Variants in CFAP299 observed in about 807,000 individuals in gnomAD.
CFAP299 encodes cilia- and flagella-associated protein 299.
Under a neutral mutation model 27.0 loss-of-function variants are expected in CFAP299, and 21 were observed. The ratio of observed to expected loss-of-function variants is 0.78; its 90% CI spans 0.55 to 1.12. The LOEUF (loss-of-function observed/expected upper bound fraction) is 1.12, where lower values mean the gene tolerates loss of function less well. Ranked by LOEUF, CFAP299 falls within the 50% of genes most tolerant of loss-of-function variation. CFAP299 has a pLI of 0.00. For missense variants in CFAP299, 310 were observed against 276.6 expected (o/e 1.12, Z -0.86); for synonymous variants, 104 against 98.1 (o/e 1.06, Z -0.36).
chr4:80,740,220 G>A (rs567219358), intron 3 of CFAP299, among the ~76,000 whole-genome samples: 1 of 152,284 alleles, frequency 6.6e-6, no homozygotes, highest in East Asian at 1.9e-4. Flanking sequence ...ACTTGTAAAT[G>A]TTTGTTGGTG....
intron 1 of CFAP299, among the ~76,000 whole-genome samples, chr4:80,362,117 GTTT>G (rs57450068): frequency 6.9e-6 from 1 of 145,590 alleles, no homozygotes; most frequent in Non-Finnish European, 1.5e-5. Flanking sequence ...ATACTGGGAA[GTTT>G]TTTTTTTTTT....
chr4:80,405,674 G>A (rs1489885469), intron 2 of CFAP299, among the ~76,000 whole-genome samples: 1 of 151,820 alleles, frequency 6.6e-6, no homozygotes, highest in African/African-American at 2.4e-5. Context: ...GGTATTATTA[G>A]TATATTAGTA....
chr4:80,787,124 G>C (rs899755751), intron 3 of CFAP299, among the ~76,000 whole-genome samples: 3 of 151,214 alleles, frequency 2.0e-5, no homozygotes, highest in African/African-American at 7.3e-5. Context: ...GTGCAGTGCT[G>C]ATCCTTGACC....
At chr4:80,804,327 A>G (rs1417759714) in intron 3 of CFAP299, among the ~76,000 whole-genome samples, 1 of 152,100 alleles carries the variant, frequency 6.6e-6, no homozygotes, top group Admixed American at 6.6e-5. Flanking sequence ...TTCTGTCTCT[A>G]TTATTTCACT....
chr4:80,704,772 C>A (rs1296638987), intron 3 of CFAP299, among the ~76,000 whole-genome samples: 1 of 151,726 alleles, frequency 6.6e-6, no homozygotes, highest in Non-Finnish European at 1.5e-5. Context: ...ACTATGTCTG[C>A]AAATGTAGCA....
chr4:80,781,661 G>C (rs958411686), intron 3 of CFAP299, among the ~76,000 whole-genome samples: 1 of 151,936 alleles, frequency 6.6e-6, no homozygotes, highest in African/African-American at 2.4e-5. Flanking sequence ...CTATGGTCAG[G>C]CCTACTTGAG....
At chr4:80,436,501 A>C (rs565730030) in intron 2 of CFAP299, among the ~76,000 whole-genome samples, 2 of 152,132 alleles carry the variant, frequency 1.3e-5, no homozygotes, top group South Asian at 2.1e-4. Flanking sequence ...ACGGGGTTTC[A>C]CCGTGTTAGC....
At chr4:80,567,389 GA>G (rs1442406809) in intron 2 of CFAP299, among the ~76,000 whole-genome samples, 1 of 151,968 alleles carries the variant, frequency 6.6e-6, no homozygotes, top group African/African-American at 2.4e-5. Context: ...AATATAAATT[GA>G]TGACCTCTTG....
intron 3 of CFAP299, among the ~76,000 whole-genome samples, chr4:80,704,494 G>A (rs1303091731): frequency 6.6e-6 from 1 of 151,664 alleles, no homozygotes; most frequent in Non-Finnish European, 1.5e-5. Context: ...TAGAGATGAT[G>A]CAAGTTGCAT....
chr4:80,932,929 A>T (rs115116042), intron 4 of CFAP299, among the ~76,000 whole-genome samples: 3,448 of 151,440 alleles, frequency 0.023, 108 homozygotes, highest in African/African-American at 0.076. Context: ...ACAAAGATTT[A>T]AAAAAAAAGA....
intron 2 of CFAP299, among the ~76,000 whole-genome samples, chr4:80,536,564 C>T (rs1733749565): frequency 6.6e-6 from 1 of 152,056 alleles, no homozygotes; most frequent in Admixed American, 6.5e-5. Context: ...TAAATCCCCA[C>T]ATTTACAGTC....
At chr4:80,562,525 A>G (rs939854646) in intron 2 of CFAP299, among the ~76,000 whole-genome samples, 1 of 151,940 alleles carries the variant, frequency 6.6e-6, no homozygotes, top group South Asian at 2.1e-4. Flanking sequence ...AACCAGCTTA[A>G]CAAATTAAAA....
At chr4:80,508,323 G>A (rs912350559) in intron 2 of CFAP299, among the ~76,000 whole-genome samples, 3 of 152,136 alleles carry the variant, frequency 2.0e-5, no homozygotes, top group Non-Finnish European at 2.9e-5. Flanking sequence ...TAATGTGGTG[G>A]AAACAGATAG....
At chr4:80,932,031 G>A (rs185798098) in intron 4 of CFAP299, among the ~76,000 whole-genome samples, 70 of 152,250 alleles carry the variant, frequency 4.6e-4, no homozygotes, top group Admixed American at 1.6e-3. Flanking sequence ...TTTGGAGCCT[G>A]AGAAGTCTGA....
At chr4:80,651,300 TCTTTC>T (rs1182883121) in intron 3 of CFAP299, among the ~76,000 whole-genome samples, 1 of 148,334 alleles carries the variant, frequency 6.7e-6, no homozygotes, top group Non-Finnish European at 1.5e-5. Flanking sequence ...ACTCTCTCTC[TCTTTC>T]TTTCTTTCTT....
intron 2 of CFAP299, among the ~76,000 whole-genome samples, chr4:80,546,735 G>T (rs984279281): frequency 6.6e-6 from 1 of 152,070 alleles, no homozygotes; most frequent in Non-Finnish European, 1.5e-5. Flanking sequence ...CACGTGAAAT[G>T]CTTGCTCCCA....
intron 3 of CFAP299, among the ~76,000 whole-genome samples, chr4:80,625,666 C>T: frequency 6.6e-6 from 1 of 151,922 alleles, no homozygotes; most frequent in East Asian, 1.9e-4. Context: ...TAAGGACACA[C>T]ATAGACTTAA....
chr4:80,491,683 A>T (rs576926536), intron 2 of CFAP299, among the ~76,000 whole-genome samples: 1 of 152,298 alleles, frequency 6.6e-6, no homozygotes, highest in African/African-American at 2.4e-5. Flanking sequence ...TATAAATCAG[A>T]AATTCTCATC....
At position 80,340,184 on chromosome 4, in the gene CFAP299, A is replaced by G; in HGVS notation, c.111+4305A>G. The stretch of plus-strand genomic sequence containing the variant: ...TCAACTCGACCCATGGATAATGAAG[A>G]AAAGCAGGGTGAGACAGAGCCAAAG... On this transcript the variant is annotated intron_variant, in intron 1 of 5. Coordinates refer to ENST00000358105, the MANE Select transcript of CFAP299 (RefSeq NM_152770.3). Among the ~76,000 whole-genome samples the G allele has an allele frequency of 1.3e-5, 2 of 152,200 alleles. 1 individual carries two copies. Among genetic ancestry groups the G allele is most frequent in the Non-Finnish European group, 2.9e-5 (2 of 68,034 alleles).
Sources: gnomAD v4.1 joint callset for allele counts (sites outside exome capture counted in the v4.1 genomes callset) on GRCh38, gnomAD v4.1.1 for gene constraint, MANE v1.5 for transcripts, NCBI Gene and HGNC (gene_info 2026-07-23, HGNC 2026-07-21) for gene names.